The following SLC22A15 variants were observed in gnomAD, a reference collection of about 807,000 sequenced individuals.
SLC22A15 encodes solute carrier family 22 member 15.
SLC22A15 carries 45 observed loss-of-function variants against 62.7 expected under a neutral mutation model. The ratio of observed to expected loss-of-function variants is 0.72; its 90% CI spans 0.56 to 0.92. The LOEUF is 0.92. SLC22A15 is among the 40% of genes least tolerant of loss of function. The pLI is 0.00. For synonymous variants in SLC22A15, 264 were observed against 267.0 expected, an observed-to-expected ratio of 0.99 and a Z score of 0.11; for missense variants, 622 against 665.6, an observed-to-expected ratio of 0.93 and a Z score of 0.72.
At chr1:116,040,274 A>G (rs1657743076) in intron 8 of SLC22A15, among the ~76,000 whole-genome samples, 1 of 152,192 alleles carries the variant, frequency 6.6e-6, no homozygotes, top group Non-Finnish European at 1.5e-5. Context: ...ATTGAAGTAA[A>G]TGTTCTCCTC....
chr1:115,987,164 ATTT>A (rs1157832035), intron 1 of SLC22A15, among the ~76,000 whole-genome samples: 3 of 137,974 alleles, frequency 2.2e-5, no homozygotes, highest in African/African-American at 5.5e-5. Flanking sequence ...ATGTAGATAG[ATTT>A]TTTTTTTTTT....
At chr1:115,993,298 G>A (rs970245034) in intron 2 of SLC22A15, among the ~76,000 whole-genome samples, 26 of 152,114 alleles carry the variant, frequency 1.7e-4, no homozygotes, top group African/African-American at 6.3e-4. Context: ...GGGGTAAATG[G>A]GTGGTACAAC....
chr1:115,993,702 A>T (rs2486080), intron 2 of SLC22A15, among the ~76,000 whole-genome samples: 11,783 of 151,746 alleles, frequency 0.078, 566 homozygotes, highest in Admixed American at 0.12. Flanking sequence ...TCCTGACGTT[A>T]CTCTTCACTT....
chr1:115,991,939 A>G (rs1467199805), intron 1 of SLC22A15, 92 bp from the exon 2 acceptor site: 2 of 1,046,728 alleles, frequency 1.9e-6, no homozygotes, highest in Non-Finnish European at 2.9e-6. Flanking sequence ...AAAGCAAGAC[A>G]CTGATCTTTC....
chr1:116,031,619 A>G, intron 6 of SLC22A15, 38 bp downstream of exon 6: 1 of 1,606,058 alleles, frequency 6.2e-7, no homozygotes, highest in Non-Finnish European at 8.5e-7. Flanking sequence ...CTCTTTAACT[A>G]AGGTTGCTCG....
chr1:116,048,186 TG>T (rs750028273), intron 8 of SLC22A15, among the ~76,000 whole-genome samples: 12 of 152,178 alleles, frequency 7.9e-5, no homozygotes, highest in Non-Finnish European at 1.5e-4. Context: ...AAAACTTCCC[TG>T]GCCTTGCTAG....
At chr1:115,989,883 C>T (rs1655066165) in intron 1 of SLC22A15, among the ~76,000 whole-genome samples, 1 of 152,170 alleles carries the variant, frequency 6.6e-6, no homozygotes, top group African/African-American at 2.4e-5. Flanking sequence ...ATTGGTATTC[C>T]ATCCTGGTCA....
intron 1 of SLC22A15, 29 bp from the exon 2 acceptor site, chr1:115,992,002 T>C: frequency 1.3e-6 from 2 of 1,589,962 alleles, no homozygotes; most frequent in Non-Finnish European, 1.7e-6. Context: ...ATATCTGCAG[T>C]GTTTGGTTCT....
intron 8 of SLC22A15, among the ~76,000 whole-genome samples, chr1:116,051,226 A>G (rs192490612): frequency 6.6e-6 from 1 of 152,348 alleles, no homozygotes; most frequent in Admixed American, 6.5e-5. Flanking sequence ...TAAAATTCAT[A>G]TGGAACCAAA....
intron 2 of SLC22A15, 137 bp from the exon 3 acceptor site, chr1:116,019,445 G>A: frequency 1.2e-6 from 1 of 823,222 alleles, no homozygotes; most frequent in Non-Finnish European, 1.9e-6. Flanking sequence ...GTCTGAGATA[G>A]ACAAATTCTA....
intron 8 of SLC22A15, among the ~76,000 whole-genome samples, chr1:116,058,278 C>T (rs1658278179): frequency 6.6e-6 from 1 of 151,934 alleles, no homozygotes; most frequent in African/African-American, 2.4e-5. Context: ...TAAGGAAAAA[C>T]AAACAATCCC....
rs554466548 is a variant in SLC22A15 at position 116,069,758 on chromosome 1, A to C, written c.*2650A>C. On this transcript the variant is annotated 3_prime_UTR_variant, in exon 12 of 12. Coordinates refer to ENST00000369503, the MANE Select transcript of SLC22A15 (RefSeq NM_018420.3). ...ACAAAATGAGGCAAATAAATGAAGA[A>C]AATGAGTTTCTGAGACACTGTTTAG... The C allele has an allele frequency of 3.9e-5, 6 of 152,214 alleles. No homozygotes were observed. The highest frequency in any genetic ancestry group is 8.8e-5 in the Non-Finnish European group (6 of 68,028). The allele number at this position is 152,214 out of a possible 1,614,324, so 9.4% of individuals were successfully genotyped here.
In SLC22A15 at chr1:116,019,487, A is replaced by G. The variant is rs933816913; in HGVS notation, c.301-95A>G. 33 of 1,203,010 alleles carry G rather than the reference A, an allele frequency of 2.7e-5. No individual in the cohort carries two copies. In the Admixed American group the frequency reaches 8.7e-4, roughly 32 times the overall value. 74.5% of individuals were successfully genotyped at this position (1,203,010 alleles called of 1,614,324 possible). On this transcript the variant is annotated intron_variant, in intron 2 of 11. Transcript: ENST00000369503. ...TCTGGTTAATAGTGGATCATGCAGTATAGAAATTCTGGTGTACAAGTTTTT... is the reference window on the plus strand; with the variant it reads ...TCTGGTTAATAGTGGATCATGCAGTGTAGAAATTCTGGTGTACAAGTTTTT...
chr1:115,976,886 G>A (rs943779002), intron 1 of SLC22A15, among the ~76,000 whole-genome samples, 172 bp downstream of exon 1: 6 of 152,140 alleles, frequency 3.9e-5, no homozygotes, highest in South Asian at 4.1e-4. Context: ...GGTGGCCTGG[G>A]CCCGGCCGGC....
intron 5 of SLC22A15, among the ~76,000 whole-genome samples, chr1:116,028,523 C>CTTTTTTTT (rs1177157642): frequency 1.2e-5 from 1 of 84,064 alleles, no homozygotes; most frequent in Non-Finnish European, 2.2e-5. Flanking sequence ...AGCTGTTCTG[C>CTTTTTTTT]TTTTTTTTTT....
intron 4 of SLC22A15, among the ~76,000 whole-genome samples, chr1:116,024,903 C>G (rs1657015217): frequency 6.6e-6 from 1 of 152,088 alleles, no homozygotes; most frequent in South Asian, 2.1e-4. Context: ...TCAGGGAAGT[C>G]GGTTCTCCAA....
intron 2 of SLC22A15, among the ~76,000 whole-genome samples, chr1:116,001,382 G>T (rs1655722461): frequency 6.6e-6 from 1 of 152,084 alleles, no homozygotes; most frequent in Middle Eastern, 3.4e-3. Flanking sequence ...TTCTCTCTAG[G>T]TATGGAAAGT....
At chr1:116,026,727 A>G (rs41312684) in intron 4 of SLC22A15, among the ~76,000 whole-genome samples, 166 bp from the exon 5 acceptor site, 210 of 152,080 alleles carry the variant, frequency 1.4e-3, no homozygotes, top group Non-Finnish European at 2.5e-3. Context: ...TCATTCTCTG[A>G]TGTTCAACTT....
At chr1:116,057,875 G>A (rs1328674496) in intron 8 of SLC22A15, among the ~76,000 whole-genome samples, 1 of 152,096 alleles carries the variant, frequency 6.6e-6, no homozygotes, top group African/African-American at 2.4e-5. Context: ...CATGGACACA[G>A]GAAGGGGAAC....
Sources: gnomAD v4.1 joint callset for allele counts (sites outside exome capture counted in the v4.1 genomes callset) on GRCh38, gnomAD v4.1.1 for gene constraint, MANE v1.5 for transcripts, NCBI Gene and HGNC (gene_info 2026-07-23, HGNC 2026-07-21) for gene names.